Variants in SHISA9 observed in about 807,000 individuals in gnomAD.
The protein encoded by SHISA9 is shisa family member 9.
A neutral mutation model predicts 38.0 loss-of-function variants in SHISA9; 13 were observed. The ratio of observed to expected loss-of-function variants is 0.34; its 90% CI spans 0.22 to 0.54. SHISA9 has a LOEUF of 0.54. Among genes scored for constraint, SHISA9 ranks in the 20% least tolerant of loss-of-function variants. The pLI, the probability that SHISA9 is intolerant of heterozygous loss-of-function variation, is 0.91. For missense variants in SHISA9, 538 were observed against 575.8 expected, an observed-to-expected ratio of 0.93 and a Z score of 0.67; for synonymous variants, 275 against 242.0, an observed-to-expected ratio of 1.14 and a Z score of -1.27.
At chr16:13,522,794 T>C in the SHISA9 span, among the ~76,000 whole-genome samples, 1 of 152,264 alleles carries the variant, frequency 6.6e-6, no homozygotes, top group African/African-American at 2.4e-5. Flanking sequence ...GGGCAGCTAG[T>C]TTACAGCCAG....
At chr16:13,560,792 G>C in the SHISA9 span, among the ~76,000 whole-genome samples, 1 of 150,344 alleles carries the variant, frequency 6.7e-6, no homozygotes, top group Non-Finnish European at 1.5e-5. Context: ...AAGAGAAGAG[G>C]CTATGTCACG....
downstream of SHISA9, among the ~76,000 whole-genome samples, chr16:13,245,132 G>A (rs2051462434): frequency 6.6e-6 from 1 of 151,992 alleles, no homozygotes; most frequent in African/African-American, 2.4e-5. Flanking sequence ...GTACAGGTTG[G>A]TTTTGAACTC....
At chr16:13,539,324 AG>A in the SHISA9 span, among the ~76,000 whole-genome samples, 1,029 of 26,956 alleles carry the variant, frequency 0.038, 63 homozygotes, top group East Asian at 0.11. Context: ...ATATAAAGAC[AG>A]GATCTTTATA....
the SHISA9 span, among the ~76,000 whole-genome samples, chr16:13,322,813 T>G: frequency 2.6e-5 from 4 of 152,278 alleles, no homozygotes; most frequent in South Asian, 8.3e-4. Flanking sequence ...TTGTGAAATC[T>G]TCTTCTTCTA....
At chr16:13,389,990 C>G in the SHISA9 span, among the ~76,000 whole-genome samples, 29 of 152,240 alleles carry the variant, frequency 1.9e-4, no homozygotes, top group African/African-American at 6.7e-4. Context: ...AGGCACCTGG[C>G]TTAAAGGAGT....
intron 2 of SHISA9, among the ~76,000 whole-genome samples, chr16:13,022,619 A>T (rs2072872010): frequency 6.6e-6 from 1 of 152,024 alleles, no homozygotes; most frequent in South Asian, 2.1e-4. Flanking sequence ...GTTGTAAGCC[A>T]CCGCGCCCAG....
chr16:13,011,591 G>A (rs1444205644), intron 2 of SHISA9, among the ~76,000 whole-genome samples: 1 of 151,786 alleles, frequency 6.6e-6, no homozygotes, highest in Non-Finnish European at 1.5e-5. Context: ...GTGCCATCTC[G>A]GCTCACTGCA....
intron 2 of SHISA9, among the ~76,000 whole-genome samples, chr16:12,980,748 T>G (rs2072229922): frequency 6.6e-6 from 1 of 152,110 alleles, no homozygotes; most frequent in Non-Finnish European, 1.5e-5. Flanking sequence ...TTTCTATTTT[T>G]TTAGTCATGA....
At chr16:13,226,666 G>A (rs527297880) in intron 4 of SHISA9, among the ~76,000 whole-genome samples, 7 of 152,208 alleles carry the variant, frequency 4.6e-5, no homozygotes, top group African/African-American at 1.4e-4. Context: ...AGAAGTTCTT[G>A]TTTGGGCTGG....
At chr16:13,427,873 C>T in the SHISA9 span, among the ~76,000 whole-genome samples, 5 of 152,186 alleles carry the variant, frequency 3.3e-5, no homozygotes, top group African/African-American at 1.2e-4. Flanking sequence ...AAAGCCTTAT[C>T]TTCTATAGAA....
chr16:12,902,029 G>C lies in SHISA9; in HGVS notation c.-36G>C. 7.0e-7 allele frequency: 1 copy of C among 1,422,456 alleles called. No individual in the cohort carries two copies. Among genetic ancestry groups the C allele is most frequent in the South Asian group, 1.4e-5 (1 of 69,618 alleles). The allele number at this position is 1,422,456 out of a possible 1,614,324, so 88.1% of individuals were successfully genotyped here. On this transcript the variant is annotated 5_prime_UTR_variant, in exon 1 of 5. Transcript: ENST00000558583. The stretch of plus-strand genomic sequence containing the variant: ...GAGAGGCGGCCGCAGAGGCTCCAGC[G>C]GCGGCCGAGCGGCCGAGCCCGGGCT...
intron 2 of SHISA9, among the ~76,000 whole-genome samples, chr16:13,129,188 TA>T (rs750599841): frequency 1.2e-4 from 19 of 152,238 alleles, no homozygotes; most frequent in East Asian, 9.6e-4. Context: ...ACAGTGAATA[TA>T]AAAGAAAAAA....
At chr16:13,324,458 C>T in the SHISA9 span, among the ~76,000 whole-genome samples, 1 of 152,086 alleles carries the variant, frequency 6.6e-6, no homozygotes. Context: ...GGAAAGAGCA[C>T]AAGCTCTAGA....
chr16:12,944,797 G>A (rs976663791), intron 2 of SHISA9, among the ~76,000 whole-genome samples: 9 of 152,140 alleles, frequency 5.9e-5, no homozygotes, highest in African/African-American at 4.8e-5. Flanking sequence ...CTGTGGAGCT[G>A]CCTTGGTTTG....
chr16:13,512,305 C>T, the SHISA9 span, among the ~76,000 whole-genome samples: 8 of 152,020 alleles, frequency 5.3e-5, no homozygotes, highest in African/African-American at 1.4e-4. Flanking sequence ...TAACAAGGGA[C>T]GTGAAGGACC....
intron 2 of SHISA9, among the ~76,000 whole-genome samples, chr16:12,919,898 T>G (rs181303525): frequency 6.6e-6 from 1 of 152,368 alleles, no homozygotes; most frequent in Admixed American, 6.5e-5. Flanking sequence ...TTTCTGCAAA[T>G]GCTCCTCAGC....
At chr16:12,951,221 CAAAAAAAAAAA>C (rs71147772) in intron 2 of SHISA9, among the ~76,000 whole-genome samples, 1 of 11,962 alleles carries the variant, frequency 8.4e-5, no homozygotes, top group African/African-American at 2.3e-4. Flanking sequence ...ACTCCTTCTC[CAAAAAAAAAAA>C]AAAAAAAAAA....
chr16:13,219,719 G>A (rs1399912373), intron 4 of SHISA9, among the ~76,000 whole-genome samples: 1 of 152,196 alleles, frequency 6.6e-6, no homozygotes, highest in African/African-American at 2.4e-5. Context: ...GGCTTTGGGA[G>A]GCCGAGGTGG....
At chr16:13,072,296 G>A (rs994270164) in intron 2 of SHISA9, among the ~76,000 whole-genome samples, 1 of 152,228 alleles carries the variant, frequency 6.6e-6, no homozygotes, top group African/African-American at 2.4e-5. Flanking sequence ...AACCACAGTG[G>A]AGTTTGGCAA....
Sources: allele counts gnomAD v4.1 joint callset (sites outside exome capture counted in the v4.1 genomes callset), GRCh38; gene constraint gnomAD v4.1.1; transcripts MANE v1.5; gene names NCBI Gene and HGNC (gene_info 2026-07-23, HGNC 2026-07-21).